PLPPR3: variants seen among roughly 807,000 people sequenced by gnomAD.
PLPPR3 encodes phospholipid phosphatase-related protein type 3.
PLPPR3 carries 14 observed loss-of-function variants against 27.3 expected under a neutral mutation model. The ratio of observed to expected loss-of-function variants is 0.51; its 90% CI spans 0.34 to 0.80. PLPPR3 has a LOEUF of 0.80. PLPPR3 is among the 30% of genes least tolerant of loss of function. The pLI, the probability that PLPPR3 is intolerant of heterozygous loss-of-function variation, is 0.01. For missense variants in PLPPR3, 1,287 were observed against 1,056.9 expected (o/e 1.22, Z -3.02); for synonymous variants, 671 against 508.0 (o/e 1.32, Z -4.32).
chr19:813,824 G>T lies in PLPPR3; in HGVS notation c.903C>A (p.Asp301Glu). Residue 301 changes from aspartate to glutamate, a missense_variant, in exon 8 of 8, where the codon GAC becomes GAA. Coordinates refer to ENST00000520876, the MANE Select transcript of PLPPR3 (RefSeq NM_001270366.2). This position sits in a 1 kb window ranked among gnomAD's most constrained non-coding sequence, Gnocchi z 4.1. ...EKPAAPAPAK[D>E]ALRALTQRGH... ...CCCGCTGCGTCAGGGCCCGCAGCGC[G>T]TCCTTGGCGGGGGCCGGGGCCGCGG... 1 of 1,495,922 alleles carries T rather than the reference G, an allele frequency of 6.7e-7. No individual in the cohort carries two copies. Among genetic ancestry groups the T allele is most frequent in the Non-Finnish European group, 8.8e-7 (1 of 1,130,758 alleles). 92.7% of individuals were successfully genotyped at this position (1,495,922 alleles called of 1,614,324 possible).
At chr19:823,534 C>G (rs560753010), upstream of PLPPR3, among the ~76,000 whole-genome samples, 1,806 of 152,160 alleles carry the variant, frequency 0.012, 39 homozygotes, top group African/African-American at 0.041. Context: ...CTGCTGCCCC[C>G]GGGAAGAGGG....
At position 814,944 on chromosome 19, in the gene PLPPR3, G is replaced by A; in HGVS notation, c.541C>T (p.Pro181Ser). 6.2e-7 allele frequency: 1 copy of A among 1,612,480 alleles called. No homozygotes were observed. Among genetic ancestry groups the A allele is most frequent in the Non-Finnish European group, 8.5e-7 (1 of 1,179,954 alleles). The change falls in exon 5 of 8, where the codon CCC becomes TCC. Residue 181 changes from proline to serine, a missense_variant. Coordinates refer to ENST00000520876, the MANE Select transcript of PLPPR3 (RefSeq NM_001270366.2). ...GAGCAGATGTCCTGCGTGATGTAGG[G>A]GTTGACCTCGCAGGACGTGCCCAGG... ...TLLGTSCEVNPYITQDICSGH... is the reference protein window; with the variant it reads ...TLLGTSCEVNSYITQDICSGH...
chr19:820,164 C>T lies in PLPPR3; in HGVS notation c.75+1321G>A, dbSNP rs114921078. On this transcript the variant is annotated intron_variant, in intron 2 of 7. Coordinates refer to ENST00000520876, the MANE Select transcript of PLPPR3 (RefSeq NM_001270366.2). Reference sequence around the variant, plus strand: ...CCCCAGCCTTAAGTTACTCTACCATCCTGAGCCAGGTGTGTGCCAAAATGG... The same window carrying T: ...CCCCAGCCTTAAGTTACTCTACCATTCTGAGCCAGGTGTGTGCCAAAATGG... 4.7e-3 allele frequency among the ~76,000 whole-genome samples: 715 copies of T among 151,886 alleles called. 4 individuals carry two copies. Among genetic ancestry groups the T allele is most frequent in the African/African-American group, 0.016 (659 of 41,396 alleles).
upstream of PLPPR3, among the ~76,000 whole-genome samples, chr19:823,742 G>A (rs969635486): frequency 1.3e-5 from 2 of 152,100 alleles, no homozygotes; most frequent in African/African-American, 4.8e-5. Context: ...TTGGTCACAG[G>A]TGGGTCCCAT....
At chr19:819,626 CAG>C (rs768388210) in intron 2 of PLPPR3, among the ~76,000 whole-genome samples, 1 of 152,082 alleles carries the variant, frequency 6.6e-6, no homozygotes, top group Non-Finnish European at 1.5e-5. Context: ...GAAAAATAAA[CAG>C]ATTTTCTATG....
chr19:815,048 A>G lies in PLPPR3; in HGVS notation c.437T>C (p.Leu146Pro). ...VHVFGLCATALVTDVIQLATG... is the reference protein window; with the variant it reads ...VHVFGLCATAPVTDVIQLATG... ...GGCCAGCTGGATCACGTCCGTCACC[A>G]GGGCTGTGGCACACAGGCCGAACAC... Residue 146 changes from leucine (L) to proline (P), a missense_variant, in exon 5 of 8, where the codon CTG becomes CCG. Transcript: ENST00000520876. 1.2e-6 allele frequency: 2 copies of G among 1,608,326 alleles called. No homozygotes were observed. Among genetic ancestry groups the G allele is most frequent in the Non-Finnish European group, 1.7e-6 (2 of 1,179,890 alleles).
rs2035154148 is a variant in PLPPR3 at position 821,895 on chromosome 19, C to T, written c.-27+20G>A. Reference sequence around the variant, plus strand: ...GGCGGAGGAGACTGGGTCCGCGCCCCCAGCCCCACAGCCCCTCACCTGGCG... The same window carrying T: ...GGCGGAGGAGACTGGGTCCGCGCCCTCAGCCCCACAGCCCCTCACCTGGCG... On this transcript the variant is annotated intron_variant, in intron 1 of 7. Coordinates refer to ENST00000520876, the MANE Select transcript of PLPPR3 (RefSeq NM_001270366.2). The T allele has an allele frequency of 4.6e-6, 1 of 217,148 alleles. No homozygotes were observed. Among genetic ancestry groups the T allele is most frequent in the East Asian group, 9.6e-5 (1 of 10,440 alleles). 13.5% of individuals were successfully genotyped at this position (217,148 alleles called of 1,614,324 possible). A position where few individuals can be genotyped will look rare whatever the true frequency, so the allele number is the denominator to read the frequency against.
At chr19:815,971 C>T (rs2096012466) in intron 2 of PLPPR3, 120 bp from the exon 3 acceptor site, 3 of 935,294 alleles carry the variant, frequency 3.2e-6, no homozygotes, top group Non-Finnish European at 4.8e-6. Context: ...CCAACCCGCT[C>T]CCAGCCACTC....
rs771294478 is a variant in PLPPR3 at position 814,453 on chromosome 19, G to A, written c.812C>T (p.Ala271Val). ...ACTCACCAGGTAGGCAGCGATGCCC[G>A]CCCCGATGAGGAAGCCGGCATACAC... ...VDVYAGFLIG[A>V]GIAAYLACHA... The change falls in exon 7 of 8, where the codon GCG becomes GTG. Residue 271 changes from alanine to valine, a missense_variant. Transcript: ENST00000520876. 225 of 1,603,928 alleles carry A rather than the reference G, an allele frequency of 1.4e-4. 1 individual carries two copies. Among genetic ancestry groups the A allele is most frequent in the South Asian group, 2.6e-4 (24 of 90,900 alleles).
chr19:823,367 G>A (rs1254494731), upstream of PLPPR3, among the ~76,000 whole-genome samples: 5 of 151,568 alleles, frequency 3.3e-5, no homozygotes, highest in African/African-American at 4.8e-5. Context: ...GCTTGAACCT[G>A]GGAGGCGGAG....
intron 2 of PLPPR3, among the ~76,000 whole-genome samples, chr19:819,615 C>T (rs567419701): frequency 6.6e-6 from 1 of 151,968 alleles, no homozygotes; most frequent in Non-Finnish European, 1.5e-5. Context: ...AGTGCAATTT[C>T]GAAAAATAAA....
Position 813,583 on chromosome 19 carries a change from C to T in PLPPR3, c.1144G>A (p.Ala382Thr), listed in dbSNP as rs1018471444. 3 of 1,554,348 alleles carry T rather than the reference C, an allele frequency of 1.9e-6. No individual in the cohort carries two copies. Among genetic ancestry groups the T allele is most frequent in the South Asian group, 1.2e-5 (1 of 84,814 alleles). The stretch of plus-strand genomic sequence containing the variant: ...CGCGCGGGGTCGTCCAGCGAGGGCG[C>T]GCTGGCCCTGGGCAGCGTGTGGCTG... ...TFSHTLPRASAPSLDDPARRH... is the reference protein window; with the variant it reads ...TFSHTLPRASTPSLDDPARRH... The change falls in exon 8 of 8, where the codon GCG becomes ACG. Residue 382 changes from alanine (A) to threonine (T), a missense_variant. Coordinates refer to ENST00000520876, the MANE Select transcript of PLPPR3 (RefSeq NM_001270366.2). This position sits in a 1 kb window ranked among gnomAD's most constrained non-coding sequence, Gnocchi z 4.1.
chr19:822,772 G>T (rs1206653774), upstream of PLPPR3, among the ~76,000 whole-genome samples: 1 of 152,204 alleles, frequency 6.6e-6, no homozygotes, highest in Non-Finnish European at 1.5e-5. Flanking sequence ...CTGAGGCTTG[G>T]GCACCCTGGG....
In PLPPR3 at chr19:813,310, G is replaced by A; in HGVS notation, c.1417C>T (p.Gln473Ter). 6.8e-7 allele frequency: 1 copy of A among 1,464,858 alleles called. No homozygotes were observed. The highest frequency in any genetic ancestry group is 1.4e-5 in the South Asian group (1 of 73,512). The allele number at this position is 1,464,858 out of a possible 1,614,324, so 90.7% of individuals were successfully genotyped here. ...CGAGGCCCCAGCCCCGGCCGCGCCT[G>A]CACGGTGGGGTAGAGCGAGGGCGGG... ...PAPPSLYPTV[Q>*]ARPGLGPRVI... The change falls in exon 8 of 8, where the codon CAG becomes TAG. Residue 473 changes from glutamine (Q) to a stop codon, truncating the protein, a stop_gained. Coordinates refer to ENST00000520876, the MANE Select transcript of PLPPR3 (RefSeq NM_001270366.2). LOFTEE classifies it low-confidence loss of function (END_TRUNC). The surrounding 1 kb of genome is among the most constrained non-coding windows in gnomAD (Gnocchi z 4.1).
Position 813,270 on chromosome 19 carries a change from G to C in PLPPR3, c.1457C>G (p.Pro486Arg). ...PGLGPRVILP[P>R]RAGPPPLVHI... The stretch of plus-strand genomic sequence containing the variant: ...CACCAGCGGCGGCGGCCCCGCGCGC[G>C]GTGGGAGGATGACCCGAGGCCCCAG... Residue 486 changes from proline to arginine, a missense_variant, in exon 8 of 8, where the codon CCG (proline) becomes CGG (arginine). Coordinates refer to ENST00000520876, the MANE Select transcript of PLPPR3 (RefSeq NM_001270366.2). This position sits in a 1 kb window ranked among gnomAD's most constrained non-coding sequence, Gnocchi z 4.1. 1 of 1,473,134 alleles carries C rather than the reference G, an allele frequency of 6.8e-7. No individual in the cohort carries two copies. Among genetic ancestry groups the C allele is most frequent in the Non-Finnish European group, 8.9e-7 (1 of 1,122,434 alleles). 91.3% of individuals were successfully genotyped at this position (1,473,134 alleles called of 1,614,324 possible). A position where few individuals can be genotyped will look rare whatever the true frequency, so the allele number is the denominator to read the frequency against.
Position 812,908 on chromosome 19 carries a change from C to T in PLPPR3, c.1819G>A (p.Ala607Thr), listed in dbSNP as rs1326894284. The change falls in exon 8 of 8, where the codon GCG (alanine) becomes ACG (threonine). Residue 607 changes from alanine (A) to threonine (T), a missense_variant. By Grantham distance (58) the Ala-to-Thr change is moderately conservative (BLOSUM62 0). Coordinates refer to ENST00000520876, the MANE Select transcript of PLPPR3 (RefSeq NM_001270366.2). ...AGGAPWEWKA[A>T]GGGAKAEADG... ...GCCTCCGCCTTGGCCCCGCCGCCCG[C>T]CGCCTTCCACTCCCAGGGCGCGCCG... 2.9e-5 allele frequency: 38 copies of T among 1,299,188 alleles called. No homozygotes were observed. The highest frequency in any genetic ancestry group is 3.3e-5 in the Non-Finnish European group (34 of 1,019,354). The allele number at this position is 1,299,188 out of a possible 1,614,324, so 80.5% of individuals were successfully genotyped here.
chr19:823,450 A>AAAAAAAAAACAAAC (rs111454578), upstream of PLPPR3, among the ~76,000 whole-genome samples: 123 of 143,872 alleles, frequency 8.5e-4, 1 homozygote, highest in African/African-American at 2.8e-3. Context: ...TCAAAAAAAA[A>AAAAAAAAAACAAAC]AAAAAAAACA....
intron 2 of PLPPR3, among the ~76,000 whole-genome samples, chr19:818,754 C>T (rs1346125040): frequency 2.6e-5 from 4 of 151,944 alleles, no homozygotes; most frequent in Non-Finnish European, 4.4e-5. Context: ...AGGATGGTCT[C>T]GATCTCCTGA....
intron 2 of PLPPR3, among the ~76,000 whole-genome samples, chr19:819,585 C>T (rs180741340): frequency 6.6e-6 from 1 of 152,074 alleles, no homozygotes; most frequent in Non-Finnish European, 1.5e-5. Context: ...CCACCATGCC[C>T]GTCCTGCAAC....
Sources: gnomAD v4.1 joint callset for allele counts (sites outside exome capture counted in the v4.1 genomes callset) on GRCh38, gnomAD v4.1.1 for gene constraint, Gnocchi (gnomAD v3.1) non-coding constraint, MANE v1.5 for transcripts, NCBI Gene and HGNC (gene_info 2026-07-23, HGNC 2026-07-21) for gene names.